NEGR1: variants seen among roughly 807,000 people sequenced by gnomAD.
NEGR1 encodes the protein IgLON family member 4.
In NEGR1, 10 loss-of-function variants were observed where a neutral mutation model predicts 40.9. That is an observed-to-expected ratio of 0.24 (90% CI 0.15 to 0.42). NEGR1 has a LOEUF of 0.42. Ranked by LOEUF, NEGR1 falls within the 10% of genes least tolerant of loss-of-function variation. The probability of loss-of-function intolerance (pLI) is 1.00; values close to 1 mark genes in which losing one functional copy is unlikely to be tolerated. For synonymous variants in NEGR1, 185 were observed against 166.8 expected (o/e 1.11, Z -0.84); for missense variants, 352 against 438.9 (o/e 0.80, Z 1.77).
intron 1 of NEGR1, among the ~76,000 whole-genome samples, chr1:72,058,696 T>G (rs1647135700): frequency 6.6e-6 from 1 of 151,668 alleles, no homozygotes; most frequent in African/African-American, 2.4e-5. Context: ...AAGGTAAGCT[T>G]TACACTGTAC....
At position 71,485,403 on chromosome 1, in the gene NEGR1, C is replaced by T. The variant is rs1164318625; in HGVS notation, c.941-77833G>A. Among the ~76,000 whole-genome samples, 30 of 151,608 alleles carry T rather than the reference C, an allele frequency of 2.0e-4. 1 individual carries two copies. Among genetic ancestry groups the T allele is most frequent in the Admixed American group, 2.0e-3 (30 of 15,174 alleles). Reference sequence around the variant, plus strand: ...TATCAACATCCCCACCAGAGTGGTACATTTGTTACAATTGATGAATCTGCA... The same window carrying T: ...TATCAACATCCCCACCAGAGTGGTATATTTGTTACAATTGATGAATCTGCA... On this transcript the variant is annotated intron_variant, in intron 6 of 6. Coordinates refer to ENST00000357731, the MANE Select transcript of NEGR1 (RefSeq NM_173808.3).
chr1:72,153,939 T>G (rs966583421), intron 1 of NEGR1, among the ~76,000 whole-genome samples: 2 of 151,766 alleles, frequency 1.3e-5, no homozygotes, highest in Admixed American at 1.3e-4. Flanking sequence ...TTGATTAGTA[T>G]AGTAGAAAGC....
At chr1:71,997,072 T>C (rs1646511093) in intron 1 of NEGR1, among the ~76,000 whole-genome samples, 1 of 152,028 alleles carries the variant, frequency 6.6e-6, no homozygotes, top group African/African-American at 2.4e-5. Context: ...ATTTGATGTG[T>C]TCCCAACTAA....
intron 4 of NEGR1, among the ~76,000 whole-genome samples, chr1:71,674,070 T>C (rs889681982): frequency 6.6e-6 from 1 of 152,164 alleles, no homozygotes; most frequent in Non-Finnish European, 1.5e-5. Context: ...AAAACACAGC[T>C]TTGAAAATTG....
chr1:71,960,627 A>T (rs923467220), intron 1 of NEGR1, among the ~76,000 whole-genome samples: 1 of 152,066 alleles, frequency 6.6e-6, no homozygotes, highest in African/African-American at 2.4e-5. Flanking sequence ...AGGTTTTTTC[A>T]TTTCTTGTAT....
chr1:71,654,402 TTAA>T (rs1418434721), intron 4 of NEGR1, among the ~76,000 whole-genome samples: 1 of 152,110 alleles, frequency 6.6e-6, no homozygotes, highest in African/African-American at 2.4e-5. Context: ...AGACAAAATA[TTAA>T]TAATACCGAA....
intron 6 of NEGR1, among the ~76,000 whole-genome samples, chr1:71,469,845 A>T (rs1646770343): frequency 6.6e-6 from 1 of 152,142 alleles, no homozygotes; most frequent in Non-Finnish European, 1.5e-5. Context: ...TAATCACTGT[A>T]TACAAAAGTA....
chr1:71,826,428 C>T (rs1007574078), intron 2 of NEGR1, among the ~76,000 whole-genome samples: 4 of 151,922 alleles, frequency 2.6e-5, no homozygotes, highest in Non-Finnish European at 5.9e-5. Flanking sequence ...ATATGTCACT[C>T]AAGACTCATT....
chr1:71,793,347 G>C (rs550769618), intron 2 of NEGR1, among the ~76,000 whole-genome samples: 243 of 58,498 alleles, frequency 4.2e-3, no homozygotes, highest in African/African-American at 0.017. Context: ...CCGACCTTGT[G>C]ATCTGCCCGC....
chr1:72,057,891 T>C (rs1647126463), intron 1 of NEGR1, among the ~76,000 whole-genome samples: 1 of 151,428 alleles, frequency 6.6e-6, no homozygotes, highest in South Asian at 2.1e-4. Flanking sequence ...ACCTCATCTT[T>C]ATGACCTCAT....
rs555647840 is a variant in NEGR1, at chr1:71,806,841, T to C, written c.410-30544A>G. ...AATAAGTTTTAATCCCCATCCTACA[T>C]CCTAGCATACCACACAAACTTAAGT... On this transcript the variant is annotated intron_variant, in intron 2 of 6. Transcript: ENST00000357731. Among the ~76,000 whole-genome samples, 17 of 151,214 alleles carry C rather than the reference T, an allele frequency of 1.1e-4. No individual in the cohort carries two copies. In the East Asian group the frequency reaches 1.6e-3, roughly 14 times the overall value.
At chr1:72,252,182 TTATAGG>T (rs1655125730) in intron 1 of NEGR1, among the ~76,000 whole-genome samples, 6 of 127,614 alleles carry the variant, frequency 4.7e-5, no homozygotes, top group African/African-American at 3.2e-4. Flanking sequence ...GTAGCTGGGA[TTATAGG>T]CATGTGCCAC....
intron 2 of NEGR1, among the ~76,000 whole-genome samples, chr1:71,792,308 T>C (rs539868062): frequency 4.8e-4 from 73 of 152,276 alleles, no homozygotes; most frequent in African/African-American, 1.8e-3. Flanking sequence ...TGTTTCTACC[T>C]AAGCAAATTT....
intron 1 of NEGR1, among the ~76,000 whole-genome samples, chr1:72,263,211 A>G (rs991769116): frequency 1.3e-5 from 2 of 151,642 alleles, no homozygotes; most frequent in Non-Finnish European, 3.0e-5. Flanking sequence ...AAAGAATTCA[A>G]CTTTGTAGAA....
intron 3 of NEGR1, among the ~76,000 whole-genome samples, chr1:71,709,707 A>C (rs1224637341): frequency 6.6e-6 from 1 of 152,202 alleles, no homozygotes; most frequent in Non-Finnish European, 1.5e-5. Flanking sequence ...ACATATACAA[A>C]AAATCAAATA....
At chr1:71,928,334 A>G (rs1236776807) in intron 2 of NEGR1, among the ~76,000 whole-genome samples, 2 of 130,108 alleles carry the variant, frequency 1.5e-5, no homozygotes, top group East Asian at 2.2e-4. Context: ...GTATATATGT[A>G]TATATACACA....
At chr1:71,806,942 G>C (rs1657798793) in intron 2 of NEGR1, among the ~76,000 whole-genome samples, 1 of 148,324 alleles carries the variant, frequency 6.7e-6, no homozygotes, top group South Asian at 2.2e-4. Context: ...GCCCAGGCTG[G>C]AGTGCAGTGG....
rs190535524 is a variant in NEGR1, at chr1:71,872,885, G to A, written c.409+62194C>T. ...TCTTGTTTGTTGCCATGTGGACATTGTTGTTCTCTCTCTTTTTACTTCATT... is the reference window on the plus strand; with the variant it reads ...TCTTGTTTGTTGCCATGTGGACATTATTGTTCTCTCTCTTTTTACTTCATT... On this transcript the variant is annotated intron_variant, in intron 2 of 6. Coordinates refer to ENST00000357731, the MANE Select transcript of NEGR1 (RefSeq NM_173808.3). Among the ~76,000 whole-genome samples the A allele has an allele frequency of 7.9e-5, 12 of 152,118 alleles. No homozygotes were observed. In the East Asian group the frequency reaches 1.6e-3, roughly 20 times the overall value.
chr1:72,251,163 T>A (rs1655074512), intron 1 of NEGR1, among the ~76,000 whole-genome samples: 2 of 152,198 alleles, frequency 1.3e-5, no homozygotes, highest in Admixed American at 6.5e-5. Flanking sequence ...TGACTGTGTA[T>A]GATAAAAAGT....
Sources: gnomAD v4.1 joint callset for allele counts (sites outside exome capture counted in the v4.1 genomes callset) on GRCh38, gnomAD v4.1.1 for gene constraint, MANE v1.5 for transcripts, NCBI Gene and HGNC (gene_info 2026-07-23, HGNC 2026-07-21) for gene names.